ATP10B: variants seen among roughly 807,000 people sequenced by gnomAD.
ATP10B encodes the protein phospholipid-transporting ATPase VB.
A neutral mutation model predicts 141.2 loss-of-function variants in ATP10B; 122 were observed. The observed-to-expected ratio is 0.86, with a 90% CI of 0.75 to 1.00. The LOEUF is 1.00. ATP10B is among the 50% of genes least tolerant of loss of function. The pLI is 0.00. For synonymous variants in ATP10B, 685 were observed against 692.0 expected (o/e 0.99, Z 0.16); for missense variants, 1,876 against 1,825.3 (o/e 1.03, Z -0.51).
At chr5:160,720,651 ATTCTTCTTT>A (rs1179252476) in intron 2 of ATP10B, among the ~76,000 whole-genome samples, 1 of 152,204 alleles carries the variant, frequency 6.6e-6, no homozygotes, top group Non-Finnish European at 1.5e-5. Context: ...TTTCTGGAAG[ATTCTTCTTT>A]TTCTTCTTTT....
chr5:160,675,823 C>A (rs1214754909), intron 6 of ATP10B, among the ~76,000 whole-genome samples: 1 of 141,686 alleles, frequency 7.1e-6, no homozygotes, highest in East Asian at 2.1e-4. Context: ...ACTTGCAGGG[C>A]TCAGGGAAGC....
chr5:160,915,984 G>A, the ATP10B span, among the ~76,000 whole-genome samples: 2 of 152,278 alleles, frequency 1.3e-5, no homozygotes, highest in East Asian at 3.9e-4. Flanking sequence ...TCTGTGTAGA[G>A]GGGACTCTTC....
intron 1 of ATP10B, among the ~76,000 whole-genome samples, chr5:160,808,295 G>C (rs1772921545): frequency 6.6e-6 from 1 of 152,164 alleles, no homozygotes; most frequent in South Asian, 2.1e-4. Flanking sequence ...TAATGAATTT[G>C]CGATTTTATT....
intron 24 of ATP10B, among the ~76,000 whole-genome samples, chr5:160,570,365 C>A (rs1754799640): frequency 6.6e-6 from 1 of 152,106 alleles, no homozygotes; most frequent in South Asian, 2.1e-4. Context: ...TAACTATAGT[C>A]ATTCTATTGT....
chr5:160,767,635 A>ACCCCCACCCC (rs887484484), intron 2 of ATP10B, among the ~76,000 whole-genome samples: 2 of 86,666 alleles, frequency 2.3e-5, no homozygotes, highest in African/African-American at 3.7e-5. Flanking sequence ...TGTGTGCAGA[A>ACCCCCACCCC]CCCCCCCCCC....
chr5:160,690,049 G>A (rs905616912), intron 3 of ATP10B, among the ~76,000 whole-genome samples: 1 of 151,808 alleles, frequency 6.6e-6, no homozygotes, highest in Admixed American at 6.6e-5. Flanking sequence ...CAGAAATAAT[G>A]CCACACATCT....
chr5:160,781,873 T>A (rs1770742676), intron 2 of ATP10B, among the ~76,000 whole-genome samples: 1 of 152,172 alleles, frequency 6.6e-6, no homozygotes, highest in Non-Finnish European at 1.5e-5. Context: ...ACATTAAAGA[T>A]AAACTCTTGA....
intron 2 of ATP10B, among the ~76,000 whole-genome samples, chr5:160,774,711 T>C (rs1220553638): frequency 6.6e-6 from 1 of 152,188 alleles, no homozygotes; most frequent in Non-Finnish European, 1.5e-5. Context: ...ACAAATCTAG[T>C]CTCTGTATTT....
In ATP10B at chr5:160,851,374, A is replaced by AT. The variant is rs199765368; in HGVS notation, c.-576+566dup. ...AGACCTGCATGCATGGGGCTTTTTTATTTTTTTTCTGGAAGGAGTAACTCA... is the reference window on the plus strand; with the variant it reads ...AGACCTGCATGCATGGGGCTTTTTTATTTTTTTTTCTGGAAGGAGTAACTCA... On this transcript the variant is annotated intron_variant, in intron 1 of 25. Coordinates refer to ENST00000327245, the MANE Select transcript of ATP10B (RefSeq NM_025153.3). Among the ~76,000 whole-genome samples the AT allele has an allele frequency of 6.2e-3, 940 of 151,840 alleles. 14 individuals carry two copies. The highest frequency in any genetic ancestry group is 0.022 in the African/African-American group (896 of 41,396).
intron 1 of ATP10B, among the ~76,000 whole-genome samples, chr5:160,806,384 G>C (rs1160192297): frequency 6.6e-6 from 1 of 152,182 alleles, no homozygotes; most frequent in Non-Finnish European, 1.5e-5. Context: ...TGAAAAACAA[G>C]CTAGCAGGCT....
intron 22 of ATP10B, among the ~76,000 whole-genome samples, chr5:160,593,679 T>C (rs1246254376): frequency 1.3e-5 from 2 of 152,194 alleles, no homozygotes; most frequent in Non-Finnish European, 2.9e-5. Context: ...TTTAGATGAA[T>C]GTAGAACTAG....
chr5:160,657,398 A>G (rs530458245), intron 7 of ATP10B, among the ~76,000 whole-genome samples: 3 of 152,284 alleles, frequency 2.0e-5, no homozygotes, highest in African/African-American at 7.2e-5. Flanking sequence ...CAACAGAGTG[A>G]CTGGCAGTTA....
At position 160,591,841 on chromosome 5, in the gene ATP10B, T is replaced by G. The variant is rs546651212; in HGVS notation, c.3565-702A>C. 3.2e-4 allele frequency among the ~76,000 whole-genome samples: 48 copies of G among 152,360 alleles called. No homozygotes were observed. The South Asian group carries it at 9.3e-3, about 30-fold the overall frequency. On this transcript the variant is annotated intron_variant, in intron 22 of 25. Coordinates refer to ENST00000327245, the MANE Select transcript of ATP10B (RefSeq NM_025153.3). ...CCAAGGTGAACATGCACTCTCACCA[T>G]GCCCCCTTCGTCTGGACTGCTTGGG...
intron 7 of ATP10B, among the ~76,000 whole-genome samples, chr5:160,662,445 G>T (rs1010741597): frequency 5.3e-5 from 8 of 152,222 alleles, no homozygotes; most frequent in Non-Finnish European, 1.0e-4. Flanking sequence ...TACCAAAACA[G>T]AGATATAGAC....
At chr5:160,791,783 G>A (rs142687132) in intron 1 of ATP10B, among the ~76,000 whole-genome samples, 11 of 152,184 alleles carry the variant, frequency 7.2e-5, no homozygotes, top group African/African-American at 2.6e-4. Flanking sequence ...GAAGGCTAAG[G>A]AGGACAATAC....
chr5:160,774,594 T>G (rs1003446498), intron 2 of ATP10B, among the ~76,000 whole-genome samples: 4 of 152,166 alleles, frequency 2.6e-5, no homozygotes, highest in Non-Finnish European at 5.9e-5. Context: ...CTGGGACCAT[T>G]CTTTATATTT....
intron 2 of ATP10B, among the ~76,000 whole-genome samples, chr5:160,743,337 G>C (rs1767601976): frequency 6.6e-6 from 1 of 152,188 alleles, no homozygotes; most frequent in African/African-American, 2.4e-5. Flanking sequence ...AAGTTGACAG[G>C]AAAACGACAA....
At chr5:160,614,480 G>C (rs1262232409) in intron 17 of ATP10B, 3 of 152,236 alleles carry the variant, frequency 2.0e-5, no homozygotes, top group African/African-American at 7.2e-5. Context: ...TCAGGAGCCT[G>C]AATGGGATGA....
chr5:160,641,760 T>C lies in ATP10B; in HGVS notation c.869-1168A>G, dbSNP rs563190262. On this transcript the variant is annotated intron_variant, in intron 9 of 25. Coordinates refer to ENST00000327245, the MANE Select transcript of ATP10B (RefSeq NM_025153.3). ...TCAAATGAAAAACACATCAGTTGCA[T>C]ATTTTCTGTGCAAAATTGAAGAAAA... Among the ~76,000 whole-genome samples the C allele has an allele frequency of 1.2e-4, 18 of 152,372 alleles. 1 individual carries two copies. Among genetic ancestry groups the C allele is most frequent in the East Asian group, 7.7e-4 (4 of 5,188 alleles).
Sources: gnomAD v4.1 joint callset for allele counts (sites outside exome capture counted in the v4.1 genomes callset) on GRCh38, gnomAD v4.1.1 for gene constraint, MANE v1.5 for transcripts, NCBI Gene and HGNC (gene_info 2026-07-23, HGNC 2026-07-21) for gene names.